The following FHIT variants were observed in gnomAD, a reference collection of about 807,000 sequenced individuals.
FHIT encodes fragile histidine triad diadenosine triphosphatase, also known as bis(5'-adenosyl)-triphosphatase.
In FHIT, 19 loss-of-function variants were observed where a neutral mutation model predicts 17.9. The observed-to-expected ratio is 1.06, with a 90% confidence interval of 0.74 to 1.56. The LOEUF (loss-of-function observed/expected upper bound fraction) is 1.56, where lower values mean the gene tolerates loss of function less well. Among genes scored for constraint, FHIT ranks in the 40% most tolerant of loss-of-function variants. FHIT has a pLI of 0.00. For synonymous variants in FHIT, 81 were observed against 69.7 expected, an observed-to-expected ratio of 1.16 and a Z score of -0.81; for missense variants, 248 against 189.2, an observed-to-expected ratio of 1.31 and a Z score of -1.82.
chr3:60,676,756 A>G (rs559938014), intron 4 of FHIT, among the ~76,000 whole-genome samples: 1 of 152,310 alleles, frequency 6.6e-6, no homozygotes, highest in South Asian at 2.1e-4. Context: ...ATCCTCATCT[A>G]TAATCTTCAA....
intron 5 of FHIT, among the ~76,000 whole-genome samples, chr3:60,504,615 C>A (rs2034655281): frequency 6.6e-6 from 1 of 152,034 alleles, no homozygotes; most frequent in South Asian, 2.1e-4. Context: ...GCTTTGAGAG[C>A]TTCAGCGATA....
chr3:61,199,975 A>G (rs893182496), intron 2 of FHIT, among the ~76,000 whole-genome samples: 3 of 152,200 alleles, frequency 2.0e-5, no homozygotes, highest in African/African-American at 7.2e-5. Flanking sequence ...TATACCTAGC[A>G]AAGAGGAAAC....
chr3:60,537,006 T>C (rs767181736), intron 4 of FHIT, 27 bp from the exon 5 acceptor site: 3 of 1,570,958 alleles, frequency 1.9e-6, no homozygotes, highest in Non-Finnish European at 2.6e-6. Context: ...TGGATAGTTA[T>C]AAAATTCAAT....
At chr3:60,101,994 A>G (rs1298402029) in intron 5 of FHIT, among the ~76,000 whole-genome samples, 1 of 152,224 alleles carries the variant, frequency 6.6e-6, no homozygotes, top group East Asian at 1.9e-4. Flanking sequence ...TACTTCCTCT[A>G]GGATTTCAAA....
chr3:60,415,148 T>A (rs934105353), intron 5 of FHIT, among the ~76,000 whole-genome samples: 1 of 152,180 alleles, frequency 6.6e-6, no homozygotes, highest in African/African-American at 2.4e-5. Flanking sequence ...ACCCTGTAAA[T>A]GGCAAAACCC....
chr3:60,321,069 T>C (rs564029887), intron 5 of FHIT, among the ~76,000 whole-genome samples: 245 of 152,302 alleles, frequency 1.6e-3, no homozygotes, highest in African/African-American at 5.5e-3. Flanking sequence ...ACCGAAAACA[T>C]GCTTGTTTCT....
intron 7 of FHIT, among the ~76,000 whole-genome samples, chr3:59,923,289 C>G (rs906137245): frequency 1.4e-5 from 2 of 141,282 alleles, no homozygotes; most frequent in African/African-American, 2.7e-5. Flanking sequence ...CTCCACTTTA[C>G]AGAAGAAGAT....
intron 4 of FHIT, among the ~76,000 whole-genome samples, chr3:60,544,540 T>C (rs532207400): frequency 1.0e-3 from 156 of 152,036 alleles, no homozygotes; most frequent in Non-Finnish European, 4.1e-4. Flanking sequence ...CTGCTAGATT[T>C]GAATTCTTAG....
intron 3 of FHIT, among the ~76,000 whole-genome samples, chr3:60,901,232 G>C (rs1706098682): frequency 6.6e-6 from 1 of 151,958 alleles, no homozygotes; most frequent in South Asian, 2.1e-4. Context: ...GTTCATCATG[G>C]ATTTTTCTGG....
chr3:60,782,219 TTG>T (rs538033687), intron 4 of FHIT, among the ~76,000 whole-genome samples: 48 of 144,162 alleles, frequency 3.3e-4, no homozygotes, highest in South Asian at 2.2e-3. Flanking sequence ...GAATATTTCA[TTG>T]TGTGTGTGTG....
At chr3:60,684,490 C>A (rs2040818787) in intron 4 of FHIT, among the ~76,000 whole-genome samples, 1 of 152,052 alleles carries the variant, frequency 6.6e-6, no homozygotes, top group Admixed American at 6.6e-5. Context: ...ATGTTCTTTC[C>A]ACTCCATGTG....
chr3:60,099,533 C>T (rs1204470289), intron 5 of FHIT, among the ~76,000 whole-genome samples: 1 of 152,128 alleles, frequency 6.6e-6, no homozygotes, highest in East Asian at 1.9e-4. Flanking sequence ...TCTAATGGTC[C>T]TTCTAACACT....
intron 3 of FHIT, among the ~76,000 whole-genome samples, chr3:60,974,900 A>C (rs1464792899): frequency 9.9e-5 from 15 of 152,132 alleles, no homozygotes; most frequent in Admixed American, 9.8e-4. Flanking sequence ...GGCATTTTTC[A>C]CCTATTCCTC....
intron 4 of FHIT, among the ~76,000 whole-genome samples, chr3:60,689,591 T>A (rs1267485069): frequency 6.6e-6 from 1 of 152,176 alleles, no homozygotes; most frequent in Non-Finnish European, 1.5e-5. Context: ...GGCTGCACAT[T>A]CTTTTCTCTC....
At chr3:59,870,874 C>CGTGT (rs56278897) in intron 8 of FHIT, among the ~76,000 whole-genome samples, 79,385 of 149,730 alleles carry the variant, frequency 0.53, 25,336 homozygotes, top group Non-Finnish European at 0.7. Context: ...TGTGTGTGTG[C>CGTGT]GTGTGTGTGT....
At chr3:60,845,644 C>T (rs1553746237) in intron 3 of FHIT, among the ~76,000 whole-genome samples, 1 of 152,050 alleles carries the variant, frequency 6.6e-6, no homozygotes, top group African/African-American at 2.4e-5. Context: ...ATACAAATAT[C>T]CTCCAATTCT....
intron 2 of FHIT, among the ~76,000 whole-genome samples, chr3:61,148,168 C>T (rs1200894165): frequency 3.3e-5 from 5 of 151,878 alleles, no homozygotes; most frequent in Non-Finnish European, 5.9e-5. Context: ...AAACACACAT[C>T]ATCTTTTAAT....
chr3:60,781,462 T>C (rs563050755), intron 4 of FHIT, among the ~76,000 whole-genome samples: 2 of 146,380 alleles, frequency 1.4e-5, no homozygotes, highest in South Asian at 4.3e-4. Context: ...AGGAAAGAGA[T>C]TAGTAAGGAG....
intron 4 of FHIT, among the ~76,000 whole-genome samples, chr3:60,778,109 C>T (rs1271316711): frequency 6.6e-6 from 1 of 152,102 alleles, no homozygotes; most frequent in Non-Finnish European, 1.5e-5. Context: ...TAGGTTATAG[C>T]TGGGTGAATA....
Sources: allele counts gnomAD v4.1 joint callset (sites outside exome capture counted in the v4.1 genomes callset), GRCh38; gene constraint gnomAD v4.1.1; transcripts MANE v1.5; gene names NCBI Gene and HGNC (gene_info 2026-07-23, HGNC 2026-07-21).